TKTL1: variants seen among roughly 807,000 people sequenced by gnomAD.
TKTL1 encodes the protein transketolase-like protein 1.
Under a neutral mutation model 39.3 loss-of-function variants are expected in TKTL1, and 1 was observed. The ratio of observed to expected loss-of-function variants is 0.03; its 90% CI spans 0.01 to 0.12. TKTL1 has a LOEUF of 0.12. TKTL1 is among the 10% of genes least tolerant of loss of function. The pLI, the probability that TKTL1 is intolerant of heterozygous loss-of-function variation, is 1.00. For missense variants in TKTL1, 575 were observed against 509.6 expected (o/e 1.13, Z -1.24); for synonymous variants, 262 against 193.8 (o/e 1.35, Z -2.92).
At chrX:154,296,169 G>A (rs1270042366) in intron 1 of TKTL1, among the ~76,000 whole-genome samples, 176 bp downstream of exon 1, 1 of 111,297 alleles carries the variant, frequency 9.0e-6, no homozygotes, top group Non-Finnish European at 1.9e-5. Flanking sequence ...TGGCAGCGAG[G>A]CACTATTCCC....
intron 3 of TKTL1, among the ~76,000 whole-genome samples, 171 bp downstream of exon 3, chrX:154,309,613 C>T (rs1035657139): frequency 3.8e-4 from 42 of 110,946 alleles, no homozygotes; most frequent in African/African-American, 1.3e-3. Context: ...TTCCCCACCT[C>T]GGGCGGCTGC....
intron 6 of TKTL1, among the ~76,000 whole-genome samples, chrX:154,314,343 A>G (rs1225258122): frequency 3.6e-5 from 4 of 111,596 alleles, no homozygotes; most frequent in Non-Finnish European, 7.5e-5. Flanking sequence ...TAAATAGAAC[A>G]TTAGCCCATC....
rs190740326 is a variant in TKTL1 at position 154,325,175 on chromosome X, G to T, written c.1318-164G>T. Among the ~76,000 whole-genome samples the T allele has an allele frequency of 6.2e-5, 7 of 112,102 alleles. No homozygotes were observed. In the East Asian group the frequency reaches 2.0e-3, roughly 31 times the overall value. ...TTCAGGGCAGCCCCAAGGTCCTGCTGGGACCTGTCGTCCACTGGTTGTAGA... is the reference window on the plus strand; with the variant it reads ...TTCAGGGCAGCCCCAAGGTCCTGCTTGGACCTGTCGTCCACTGGTTGTAGA... On this transcript the variant is annotated intron_variant, in intron 9 of 12. Coordinates refer to ENST00000369915, the MANE Select transcript of TKTL1 (RefSeq NM_012253.4).
chrX:154,310,973 C>T lies in TKTL1; in HGVS notation c.488C>T (p.Ala163Val), dbSNP rs782493362. The change falls in exon 4 of 13, where the codon GCA becomes GTA. Residue 163 changes from alanine (A) to valine (V), a missense_variant. Ala to Val is a moderately conservative substitution (Grantham distance 64). Transcript: ENST00000369915. ...FDVNRLGHSG[A>V]LPAEHCINIY... ...GTGAACCGCCTGGGACACAGTGGTG[C>T]ATTGCCCGCCGAGCACTGCATAAAC... The T allele has an allele frequency of 4.1e-6, 5 of 1,211,983 alleles. No homozygotes were observed. The highest frequency in any genetic ancestry group is 3.0e-5 in the East Asian group (1 of 33,851).
chrX:154,312,540 A>G (rs1557168546), intron 5 of TKTL1, 40 bp from the exon 6 acceptor site: 1 of 1,176,998 alleles, frequency 8.5e-7, no homozygotes, highest in South Asian at 1.9e-5. Flanking sequence ...CACTCACTAA[A>G]TATTTATGGA....
chrX:154,311,524 G>A (rs1439769170), intron 5 of TKTL1, among the ~76,000 whole-genome samples: 1 of 111,555 alleles, frequency 9.0e-6, no homozygotes, highest in Non-Finnish European at 1.9e-5. Context: ...CAATCTCTAC[G>A]GTTAGTAGAA....
intron 7 of TKTL1, among the ~76,000 whole-genome samples, chrX:154,317,845 G>A (rs1345163406): frequency 3.6e-5 from 4 of 110,688 alleles, no homozygotes; most frequent in Non-Finnish European, 7.6e-5. Context: ...CACCTCTTGA[G>A]ATTGACAAGA....
At chrX:154,299,928 G>A (rs1459458268) in intron 1 of TKTL1, among the ~76,000 whole-genome samples, 1 of 110,997 alleles carries the variant, frequency 9.0e-6, no homozygotes, top group African/African-American at 3.3e-5. Flanking sequence ...TTCATATAAT[G>A]ACTTTTTTTC....
At chrX:154,310,800 C>G (rs2067350807) in intron 3 of TKTL1, 36 bp from the exon 4 acceptor site, 2 of 1,157,714 alleles carry the variant, frequency 1.7e-6, no homozygotes, top group Non-Finnish European at 2.3e-6. Flanking sequence ...CAGATGATCC[C>G]CCACAGGGTC....
At chrX:154,319,611 TG>T (rs2067432673) in intron 7 of TKTL1, among the ~76,000 whole-genome samples, 1 of 110,411 alleles carries the variant, frequency 9.1e-6, no homozygotes, top group African/African-American at 3.3e-5. Flanking sequence ...TGGTGGCGGG[TG>T]CCTGTAATCC....
intron 1 of TKTL1, chrX:154,305,095 C>T: frequency 6.1e-6 from 7 of 1,145,827 alleles, no homozygotes; most frequent in African/African-American, 1.8e-5. Context: ...CGGTTAGGAG[C>T]TGGCCTCACT....
Position 154,296,013 on chromosome X carries a change from G to C in TKTL1, c.134+20G>C, listed in dbSNP as rs782507640. The C allele has an allele frequency of 8.3e-7, 1 of 1,208,677 alleles. No individual in the cohort carries two copies. Reference sequence around the variant, plus strand: ...CTCCGGGTAAGTTCTCCTCATTGAAGTCTGGGTCATGCAGGGCCACGGGCC... The same window carrying C: ...CTCCGGGTAAGTTCTCCTCATTGAACTCTGGGTCATGCAGGGCCACGGGCC... On this transcript the variant is annotated intron_variant, in intron 1 of 12. Transcript: ENST00000369915.
At chrX:154,321,589 C>CA (rs1417023724) in intron 8 of TKTL1, among the ~76,000 whole-genome samples, 1 of 108,241 alleles carries the variant, frequency 9.2e-6, no homozygotes, top group Non-Finnish European at 1.9e-5. Flanking sequence ...GCGTGAAGAG[C>CA]AAAACACACG....
rs372734914 is a variant in TKTL1 at position 154,305,488 on chromosome X, G to A, written c.252+67G>A. On this transcript the variant is annotated intron_variant, in intron 2 of 12. Transcript: ENST00000369915. ...GTTAAGCCCAGTTTGAACAGCCACCGTGTGGGAACAAGGCCTGAAATGGGC... is the reference window on the plus strand; with the variant it reads ...GTTAAGCCCAGTTTGAACAGCCACCATGTGGGAACAAGGCCTGAAATGGGC... The A allele has an allele frequency of 4.6e-5, 53 of 1,140,140 alleles. No homozygotes were observed. The South Asian group carries it at 6.3e-4, about 14-fold the overall frequency. The allele number at this position is 1,140,140 out of a possible 1,213,427, so 94.0% of individuals were successfully genotyped here.
chrX:154,319,793 T>C (rs1373990281), intron 7 of TKTL1, among the ~76,000 whole-genome samples: 2 of 108,610 alleles, frequency 1.8e-5, no homozygotes, highest in African/African-American at 6.7e-5. Flanking sequence ...GGCAGATGAA[T>C]GTAGACAGAG....
rs1487276200 is a variant in TKTL1 at position 154,329,866 on chromosome X, A to G, written c.*178A>G. The G allele has an allele frequency of 2.1e-6, 1 of 465,655 alleles. No individual in the cohort carries two copies. The highest frequency in any genetic ancestry group is 3.5e-6 in the Non-Finnish European group (1 of 286,582). 38.4% of individuals were successfully genotyped at this position (465,655 alleles called of 1,213,427 possible). On this transcript the variant is annotated 3_prime_UTR_variant, in exon 13 of 13. Coordinates refer to ENST00000369915, the MANE Select transcript of TKTL1 (RefSeq NM_012253.4). ...TACTTACCCTTTAAACTGTCACTGC[A>G]TATGCAAGTACCGCTCTAATTTTTG... is the stretch of plus-strand genomic sequence containing the variant.
At chrX:154,304,971 A>G (rs2067303356) in intron 1 of TKTL1, 1 of 981,979 alleles carries the variant, frequency 1.0e-6, no homozygotes, top group Admixed American at 3.0e-5. Flanking sequence ...TCTGATTCAC[A>G]ATGCTCCTGA....
At chrX:154,311,355 C>T in intron 5 of TKTL1, 117 bp downstream of exon 5, 2 of 1,000,769 alleles carry the variant, frequency 2.0e-6, no homozygotes, top group Non-Finnish European at 2.7e-6. Flanking sequence ...AATAGCAGTT[C>T]TGCCTGGAGT....
chrX:154,317,290 G>T (rs2067408761), intron 7 of TKTL1, among the ~76,000 whole-genome samples: 1 of 112,090 alleles, frequency 8.9e-6, no homozygotes, highest in Admixed American at 9.5e-5. Flanking sequence ...TGGCTACAAT[G>T]TAGAGCTTGA....
Sources: gnomAD v4.1 joint callset for allele counts (sites outside exome capture counted in the v4.1 genomes callset) on GRCh38, gnomAD v4.1.1 for gene constraint, MANE v1.5 for transcripts, NCBI Gene and HGNC (gene_info 2026-07-23, HGNC 2026-07-21) for gene names.